Variants in DST observed in about 807,000 individuals in gnomAD.
DST encodes bullous pemphigoid antigen.
Under a neutral mutation model 875.2 loss-of-function variants are expected in DST, and 253 were observed. The observed-to-expected ratio is 0.29, with a 90% CI of 0.26 to 0.32. The LOEUF (loss-of-function observed/expected upper bound fraction) is 0.32. Ranked by LOEUF, DST falls within the 10% of genes least tolerant of loss-of-function variation. DST has a pLI of 1.00. For synonymous variants in DST, 3,124 were observed against 3,197.1 expected (o/e 0.98, Z 0.77); for missense variants, 8,287 against 9,111.6 (o/e 0.91, Z 3.68).
chr6:56,941,465 A>T (rs2127787349), intron 2 of DST, among the ~76,000 whole-genome samples: 1 of 152,050 alleles, frequency 6.6e-6, no homozygotes, highest in East Asian at 1.9e-4. Flanking sequence ...TCATGTAAGT[A>T]TGGTGTTTCT....
intron 49 of DST, among the ~76,000 whole-genome samples, chr6:56,582,864 T>C (rs1359682308): frequency 1.3e-5 from 2 of 151,932 alleles, no homozygotes; most frequent in African/African-American, 2.4e-5. Flanking sequence ...TTTGGCCTTG[T>C]GATAGTTTAC....
chr6:56,559,959 G>C (rs939844590), intron 58 of DST, among the ~76,000 whole-genome samples: 1 of 151,934 alleles, frequency 6.6e-6, no homozygotes, highest in African/African-American at 2.4e-5. Context: ...ATATAATACA[G>C]CTTAAAAATA....
chr6:56,556,273 A>C (rs2097416419), intron 59 of DST, among the ~76,000 whole-genome samples: 1 of 152,204 alleles, frequency 6.6e-6, no homozygotes, highest in African/African-American at 2.4e-5. Context: ...ATATTAACTC[A>C]TGATGCATTG....
chr6:56,905,983 C>T (rs1014724113), intron 2 of DST, among the ~76,000 whole-genome samples: 5 of 152,134 alleles, frequency 3.3e-5, no homozygotes, highest in South Asian at 4.1e-4. Flanking sequence ...CATCTCTCCA[C>T]GGACATTTAG....
intron 3 of DST, among the ~76,000 whole-genome samples, chr6:56,867,604 G>A (rs905080760): frequency 1.8e-4 from 27 of 152,152 alleles, no homozygotes; most frequent in East Asian, 1.9e-4. Flanking sequence ...GGCGGATCAC[G>A]AGGTCAGGAG....
chr6:56,585,061 T>C (rs2098118279), intron 49 of DST, among the ~76,000 whole-genome samples: 1 of 152,146 alleles, frequency 6.6e-6, no homozygotes, highest in Non-Finnish European at 1.5e-5. Flanking sequence ...TTCTCTTTTT[T>C]GGTTGTGTCT....
At chr6:56,647,966 G>A (rs1375111338) in intron 13 of DST, among the ~76,000 whole-genome samples, 1 of 152,132 alleles carries the variant, frequency 6.6e-6, no homozygotes, top group African/African-American at 2.4e-5. Context: ...GATTACGGGT[G>A]TGACCCACCG....
chr6:56,905,296 T>A (rs1294915525), intron 2 of DST, among the ~76,000 whole-genome samples: 3 of 152,170 alleles, frequency 2.0e-5, no homozygotes, highest in African/African-American at 7.2e-5. Flanking sequence ...CTCTTCAACC[T>A]TTAAGTGCAC....
chr6:56,552,969 A>G lies in DST; in HGVS notation c.15823T>C (p.Phe5275Leu), dbSNP rs1471882228. 6.2e-7 allele frequency: 1 copy of G among 1,613,810 alleles called. No homozygotes were observed. Among genetic ancestry groups the G allele is most frequent in the East Asian group, 2.2e-5 (1 of 44,894 alleles). Residue 5275 changes from phenylalanine (F) to leucine (L), a missense_variant, in exon 61 of 104, where the codon TTT (phenylalanine) becomes CTT (leucine). By Grantham distance (22) the Phe-to-Leu change is conservative. Coordinates refer to ENST00000680361, the MANE Select transcript of DST (RefSeq NM_001374736.1). The part of the protein sequence containing the change: ...KFCLENMTQK[F>L]KEFQEVSKES... ...TTGGAAACTTCTTGAAATTCTTTAA[A>G]CTTCTGAGTCATGTTCTCCAGACAG... is the stretch of plus-strand genomic sequence containing the variant.
At chr6:56,909,837 T>C (rs939337020) in intron 2 of DST, among the ~76,000 whole-genome samples, 4 of 152,178 alleles carry the variant, frequency 2.6e-5, no homozygotes, top group Non-Finnish European at 5.9e-5. Flanking sequence ...GTTTTGGTCT[T>C]AATAATACTG....
chr6:56,802,449 A>T (rs952717074), intron 4 of DST, among the ~76,000 whole-genome samples: 6 of 152,162 alleles, frequency 3.9e-5, no homozygotes, highest in African/African-American at 1.2e-4. Context: ...TTGGGCTTTA[A>T]TACTACTAGT....
At chr6:56,620,154 T>A in intron 36 of DST, 1 of 1,613,670 alleles carries the variant, frequency 6.2e-7, no homozygotes, top group Admixed American at 1.7e-5. Context: ...TCTTTTTCCA[T>A]CTGCTTTATC....
chr6:56,952,584 T>A (rs1822929374), intron 2 of DST, among the ~76,000 whole-genome samples: 1 of 152,244 alleles, frequency 6.6e-6, no homozygotes, highest in African/African-American at 2.4e-5. Context: ...TTATACATTT[T>A]AAAATTCAAT....
At chr6:56,655,741 C>T (rs1020276533) in intron 10 of DST, among the ~76,000 whole-genome samples, 4 of 152,166 alleles carry the variant, frequency 2.6e-5, no homozygotes, top group Admixed American at 6.5e-5. Context: ...ACCTCACCCC[C>T]GTACATGACA....
chr6:56,662,275 C>T (rs2099047425), intron 10 of DST, among the ~76,000 whole-genome samples: 1 of 152,014 alleles, frequency 6.6e-6, no homozygotes, highest in South Asian at 2.1e-4. Context: ...ACCCTTTGTC[C>T]CAGCAATTCC....
intron 4 of DST, chr6:56,843,192 C>A (rs947766822): frequency 1.3e-6 from 2 of 1,503,142 alleles, no homozygotes; most frequent in Admixed American, 1.9e-5. Context: ...CTCTCCCCCT[C>A]GTAACCCCCG....
intron 2 of DST, among the ~76,000 whole-genome samples, chr6:56,931,603 G>C (rs1299995666): frequency 6.6e-6 from 1 of 152,214 alleles, no homozygotes; most frequent in Non-Finnish European, 1.5e-5. Flanking sequence ...CCAGGAGGGA[G>C]GCTGTACCCT....
At chr6:56,829,383 C>A (rs34896026) in intron 4 of DST, among the ~76,000 whole-genome samples, 19,809 of 152,120 alleles carry the variant, frequency 0.13, 1,627 homozygotes, top group Non-Finnish European at 0.18. Context: ...TTTGACTTGG[C>A]AATGTTACAG....
At chr6:56,745,675 G>A (rs2099570192) in intron 4 of DST, among the ~76,000 whole-genome samples, 1 of 152,030 alleles carries the variant, frequency 6.6e-6, no homozygotes, top group African/African-American at 2.4e-5. Flanking sequence ...AAACTCACTA[G>A]AAGAAAACAT....
Sources: gnomAD v4.1 joint callset for allele counts (sites outside exome capture counted in the v4.1 genomes callset) on GRCh38, gnomAD v4.1.1 for gene constraint, MANE v1.5 for transcripts, NCBI Gene and HGNC (gene_info 2026-07-23, HGNC 2026-07-21) for gene names.